Variants in ZNF407 observed in about 807,000 individuals in gnomAD.
ZNF407 encodes zinc finger protein 407.
Under a neutral mutation model 131.2 loss-of-function variants are expected in ZNF407, and 17 were observed. That is an observed-to-expected ratio of 0.13 (90% CI 0.09 to 0.19). The LOEUF is 0.19. Ranked by LOEUF, ZNF407 falls within the 10% of genes least tolerant of loss-of-function variation. The pLI is 1.00. For synonymous variants in ZNF407, 1,156 were observed against 1,062.0 expected (o/e 1.09, Z -1.72); for missense variants, 2,681 against 2,830.6 (o/e 0.95, Z 1.20).
At chr18:74,849,052 C>CTTTTTTTTTTTTTTT (rs35529971) in intron 4 of ZNF407, among the ~76,000 whole-genome samples, 11 of 122,912 alleles carry the variant, frequency 8.9e-5, no homozygotes, top group Non-Finnish European at 1.5e-4. Context: ...ACTTTTGTTT[C>CTTTTTTTTTTTTTTT]TTTTTTTTTT....
chr18:74,657,447 A>C (rs1568150087), intron 3 of ZNF407, among the ~76,000 whole-genome samples: 1 of 150,844 alleles, frequency 6.6e-6, no homozygotes, highest in African/African-American at 2.4e-5. Flanking sequence ...TGTAGGGAAA[A>C]AAAGAGAGAG....
rs528737621 is a variant in ZNF407 at position 74,675,670 on chromosome 18, T to A, written c.4802+34548T>A. Among the ~76,000 whole-genome samples the A allele has an allele frequency of 1.6e-4, 25 of 152,324 alleles. 1 individual carries two copies. In the South Asian group the frequency reaches 4.8e-3, roughly 29 times the overall value. On this transcript the variant is annotated intron_variant, in intron 3 of 8. Coordinates refer to ENST00000299687, the MANE Select transcript of ZNF407 (RefSeq NM_017757.3). The stretch of plus-strand genomic sequence containing the variant: ...TTTCTGATTTTAGTTCCTGTTACGC[T>A]GTTAGCTTTGAAGTTATATACCCTT...
At chr18:74,649,207 G>A (rs999518980) in intron 3 of ZNF407, among the ~76,000 whole-genome samples, 5 of 152,158 alleles carry the variant, frequency 3.3e-5, no homozygotes, top group African/African-American at 9.7e-5. Context: ...AGAATATATT[G>A]AGCTGGGCTC....
chr18:74,672,678 A>ACG (rs1986200509), intron 3 of ZNF407, among the ~76,000 whole-genome samples: 1 of 149,308 alleles, frequency 6.7e-6, no homozygotes. Flanking sequence ...CACTGTTTTT[A>ACG]TCTGCTCATC....
chr18:74,600,539 C>A (rs922433942), intron 1 of ZNF407, among the ~76,000 whole-genome samples: 2 of 152,094 alleles, frequency 1.3e-5, no homozygotes, highest in African/African-American at 4.8e-5. Context: ...TCAAAGGAGT[C>A]CTACTAAATA....
intron 8 of ZNF407, among the ~76,000 whole-genome samples, chr18:75,050,237 G>A (rs1973483963): frequency 1.3e-5 from 2 of 152,010 alleles, no homozygotes; most frequent in South Asian, 2.1e-4. Flanking sequence ...AGCCCTTCCT[G>A]TGTGTCAAGC....
rs1437624413 is a variant in ZNF407 at position 74,871,390 on chromosome 18, CTT to C, written c.4878-5806_4878-5805del. Among the ~76,000 whole-genome samples the C allele has an allele frequency of 2.0e-5, 3 of 152,232 alleles. No homozygotes were observed. The East Asian group carries it at 5.8e-4, about 29-fold the overall frequency. On this transcript the variant is annotated intron_variant, in intron 4 of 8. Coordinates refer to ENST00000299687, the MANE Select transcript of ZNF407 (RefSeq NM_017757.3). ...CTGTGAATTGGAAGTCTTTGAGCAA[CTT>C]AGAAATTGTTATAAACTTCGTTAGT...
intron 4 of ZNF407, among the ~76,000 whole-genome samples, chr18:74,852,423 C>T (rs1445120520): frequency 6.6e-6 from 1 of 151,980 alleles, no homozygotes; most frequent in African/African-American, 2.4e-5. Context: ...ATAATTTTCA[C>T]ATTTGTAAGT....
intron 4 of ZNF407, among the ~76,000 whole-genome samples, chr18:74,851,244 C>G (rs1970779055): frequency 6.6e-6 from 1 of 152,188 alleles, no homozygotes; most frequent in South Asian, 2.1e-4. Context: ...CAAGTATGAT[C>G]TATGAGACAC....
chr18:74,944,879 C>T (rs1230237068), intron 8 of ZNF407, among the ~76,000 whole-genome samples: 2 of 152,194 alleles, frequency 1.3e-5, no homozygotes, highest in Admixed American at 6.5e-5. Context: ...CCTCAGGGCC[C>T]AGAATCATGC....
At chr18:75,006,596 T>C (rs900615984) in intron 8 of ZNF407, among the ~76,000 whole-genome samples, 9 of 152,210 alleles carry the variant, frequency 5.9e-5, no homozygotes, top group African/African-American at 2.2e-4. Context: ...ATCTATAATA[T>C]AATTGCACTG....
chr18:74,664,012 G>C (rs1985827775), intron 3 of ZNF407, among the ~76,000 whole-genome samples: 1 of 152,210 alleles, frequency 6.6e-6, no homozygotes, highest in Non-Finnish European at 1.5e-5. Flanking sequence ...GCAGAGGCCA[G>C]ATTAGAAGCT....
chr18:75,022,499 C>A (rs937428219), intron 8 of ZNF407, among the ~76,000 whole-genome samples: 1 of 152,098 alleles, frequency 6.6e-6, no homozygotes, highest in Non-Finnish European at 1.5e-5. Context: ...TGGCCTAAGG[C>A]AATAGCCTAA....
chr18:74,648,887 C>CT (rs1985095717), intron 3 of ZNF407, among the ~76,000 whole-genome samples: 1 of 152,196 alleles, frequency 6.6e-6, no homozygotes, highest in Non-Finnish European at 1.5e-5. Context: ...AATCTACTTA[C>CT]TTTCCTACAT....
At chr18:74,672,007 T>C (rs1986158548) in intron 3 of ZNF407, among the ~76,000 whole-genome samples, 1 of 152,224 alleles carries the variant, frequency 6.6e-6, no homozygotes, top group South Asian at 2.1e-4. Flanking sequence ...TTGTGAATGG[T>C]GCTGCAGTGA....
chr18:74,846,200 A>G (rs139706723), intron 4 of ZNF407, among the ~76,000 whole-genome samples: 10 of 152,342 alleles, frequency 6.6e-5, no homozygotes, highest in African/African-American at 2.2e-4. Context: ...TGGTCACAGA[A>G]TTAGAAATTA....
chr18:74,986,224 C>T (rs1036667412), intron 8 of ZNF407, among the ~76,000 whole-genome samples: 3 of 151,254 alleles, frequency 2.0e-5, no homozygotes, highest in African/African-American at 4.9e-5. Context: ...TTTCTGCTGA[C>T]GTTTGACAAC....
At chr18:74,788,775 G>A (rs1365846013) in intron 4 of ZNF407, among the ~76,000 whole-genome samples, 1 of 149,820 alleles carries the variant, frequency 6.7e-6, no homozygotes, top group Non-Finnish European at 1.5e-5. Context: ...GGAAGTTTCT[G>A]TGTATCCTGA....
At chr18:74,642,675 G>C (rs545907422) in intron 3 of ZNF407, among the ~76,000 whole-genome samples, 2 of 151,984 alleles carry the variant, frequency 1.3e-5, no homozygotes, top group Non-Finnish European at 2.9e-5. Flanking sequence ...CACCCTGCTC[G>C]CTAACTGCTT....
Sources: allele counts gnomAD v4.1 joint callset (sites outside exome capture counted in the v4.1 genomes callset), GRCh38; gene constraint gnomAD v4.1.1; transcripts MANE v1.5; gene names NCBI Gene and HGNC (gene_info 2026-07-23, HGNC 2026-07-21).